Variants in C1QTNF7 observed in about 807,000 individuals in gnomAD.
C1QTNF7 encodes the protein complement C1q tumor necrosis factor-related protein 7.
C1QTNF7 carries 15 observed loss-of-function variants against 19.6 expected under a neutral mutation model. The observed-to-expected ratio is 0.76, with a 90% CI of 0.51 to 1.18. The LOEUF is 1.18. C1QTNF7 is among the 50% of genes most tolerant of loss of function. C1QTNF7 has a pLI of 0.00. For synonymous variants in C1QTNF7, 142 were observed against 137.5 expected (o/e 1.03, Z -0.23); for missense variants, 324 against 359.7 (o/e 0.90, Z 0.80).
intron 1 of C1QTNF7, among the ~76,000 whole-genome samples, chr4:15,347,864 A>T (rs1027904483): frequency 1.3e-5 from 2 of 152,178 alleles, no homozygotes; most frequent in African/African-American, 4.8e-5. Flanking sequence ...CATTGAGATC[A>T]TTTCTTAAAC....
At chr4:15,374,744 A>G (rs1223732106) in intron 1 of C1QTNF7, 1 of 985,268 alleles carries the variant, frequency 1.0e-6, no homozygotes, top group Non-Finnish European at 1.2e-6. Context: ...CAAAGACTCC[A>G]GCTGTTGGAA....
At chr4:15,343,851 G>T (rs777469665) in intron 1 of C1QTNF7, among the ~76,000 whole-genome samples, 78 of 152,166 alleles carry the variant, frequency 5.1e-4, no homozygotes, top group Non-Finnish European at 8.8e-4. Flanking sequence ...AGGTCACAAG[G>T]TGGGTGTAGA....
intron 1 of C1QTNF7, among the ~76,000 whole-genome samples, chr4:15,350,221 A>G (rs999441057): frequency 3.7e-5 from 4 of 107,456 alleles, no homozygotes; most frequent in Non-Finnish European, 5.6e-5. Context: ...AAGGGAGGGA[A>G]GGAAGGAGGA....
chr4:15,340,631 G>C (rs774913221), intron 1 of C1QTNF7, among the ~76,000 whole-genome samples: 1 of 152,106 alleles, frequency 6.6e-6, no homozygotes, highest in African/African-American at 2.4e-5. Flanking sequence ...TCCCAAGGAA[G>C]ATTTTAATAT....
chr4:15,389,414 AATG>A (rs1350091901), intron 1 of C1QTNF7, among the ~76,000 whole-genome samples: 1 of 151,884 alleles, frequency 6.6e-6, no homozygotes, highest in African/African-American at 2.4e-5. Flanking sequence ...GAGGTAGGAA[AATG>A]AGGAGTCTTT....
At position 15,356,247 on chromosome 4, in the gene C1QTNF7, C is replaced by A. The variant is rs1717142828; in HGVS notation, c.13+16040C>A. On this transcript the variant is annotated intron_variant, in intron 1 of 2. Transcript: ENST00000295297. ...GTATTTCTCCGAATGCTATCCCTCCCCTAGCCCCCAACCCCCTGACGGGCC... is the reference window on the plus strand; with the variant it reads ...GTATTTCTCCGAATGCTATCCCTCCACTAGCCCCCAACCCCCTGACGGGCC... Among the ~76,000 whole-genome samples the A allele has an allele frequency of 2.0e-5, 3 of 152,104 alleles. No individual in the cohort carries two copies. In the South Asian group the frequency reaches 6.2e-4, roughly 32 times the overall value.
chr4:15,340,069 A>T (rs1716485906), exon 1 of C1QTNF7: 1 of 1,119,310 alleles, frequency 8.9e-7, no homozygotes, highest in Admixed American at 2.0e-5. Flanking sequence ...TATTTTTTGC[A>T]TTGTTTTGGA....
intron 2 of C1QTNF7, among the ~76,000 whole-genome samples, chr4:15,440,931 A>C (rs1712734151): frequency 6.6e-6 from 1 of 152,106 alleles, no homozygotes; most frequent in South Asian, 2.1e-4. Flanking sequence ...ACCTGAGGTC[A>C]GGAGTTCGAG....
intron 1 of C1QTNF7, among the ~76,000 whole-genome samples, chr4:15,415,474 G>GCTTAT (rs1560362416): frequency 1.3e-5 from 2 of 152,030 alleles, no homozygotes; most frequent in African/African-American, 4.8e-5. Context: ...TAAGACCAAA[G>GCTTAT]GAATATGCTT....
chr4:15,418,669 T>C (rs1460789252), intron 1 of C1QTNF7, among the ~76,000 whole-genome samples: 1 of 152,198 alleles, frequency 6.6e-6, no homozygotes, highest in Non-Finnish European at 1.5e-5. Context: ...TCTCTTTAGT[T>C]ATATAGGTAT....
chr4:15,355,212 A>G (rs1717092639), intron 1 of C1QTNF7, among the ~76,000 whole-genome samples: 1 of 152,100 alleles, frequency 6.6e-6, no homozygotes. Flanking sequence ...ACCGTAAATC[A>G]ATGCTGGCAG....
chr4:15,370,241 C>A (rs7666730), intron 1 of C1QTNF7, among the ~76,000 whole-genome samples: 12,700 of 151,688 alleles, frequency 0.084, 1,512 homozygotes, highest in African/African-American at 0.27. Context: ...TTCATGGGAC[C>A]AACAACTGGC....
intron 1 of C1QTNF7, among the ~76,000 whole-genome samples, chr4:15,354,648 T>C (rs1240011976): frequency 6.6e-6 from 1 of 152,090 alleles, no homozygotes; most frequent in Non-Finnish European, 1.5e-5. Flanking sequence ...TGGACTTTGA[T>C]GTGGAAATGT....
chr4:15,430,645 T>TA (rs1712260809), intron 1 of C1QTNF7, among the ~76,000 whole-genome samples: 1 of 152,234 alleles, frequency 6.6e-6, no homozygotes, highest in South Asian at 2.1e-4. Flanking sequence ...ATAAAGCTGT[T>TA]AAAAATTATT....
rs1712818902 is a variant in C1QTNF7, at chr4:15,442,555, G to A, written c.626G>A (p.Gly209Glu). Residue 209 changes from glycine to glutamate, a missense_variant, in exon 3 of 3, where the codon GGA (glycine) becomes GAA (glutamate). By Grantham distance (98) the Gly-to-Glu change is moderately conservative. Coordinates refer to ENST00000444304, the MANE Select transcript of C1QTNF7 (RefSeq NM_031911.5). ...TTGGCTAATAAGCATCTGGCAATCGGACTGGTACACAATGGGCAATACCGG... is the reference window on the plus strand; with the variant it reads ...TTGGCTAATAAGCATCTGGCAATCGAACTGGTACACAATGGGCAATACCGG... ...ITLANKHLAI[G>E]LVHNGQYRIK... is the part of the protein sequence containing the mutation. The A allele has an allele frequency of 1.2e-6, 2 of 1,614,124 alleles. No individual in the cohort carries two copies. Among genetic ancestry groups the A allele is most frequent in the East Asian group, 2.2e-5 (1 of 44,878 alleles).
chr4:15,407,241 C>CT (rs1240285743), intron 1 of C1QTNF7, among the ~76,000 whole-genome samples: 1 of 152,178 alleles, frequency 6.6e-6, no homozygotes, highest in African/African-American at 2.4e-5. Flanking sequence ...CAATAGCACC[C>CT]TATGGACCTA....
chr4:15,389,833 T>C (rs1718489059), intron 1 of C1QTNF7, among the ~76,000 whole-genome samples: 1 of 152,104 alleles, frequency 6.6e-6, no homozygotes, highest in Non-Finnish European at 1.5e-5. Flanking sequence ...AACACTGGAT[T>C]ATAAAATGTG....
chr4:15,414,764 C>T (rs1577268258), intron 1 of C1QTNF7, among the ~76,000 whole-genome samples: 1 of 152,176 alleles, frequency 6.6e-6, no homozygotes, highest in African/African-American at 2.4e-5. Context: ...GCATCAGTCA[C>T]TCTGATTCTA....
In C1QTNF7 at chr4:15,442,718, G is replaced by A; in HGVS notation, c.789G>A (p.Trp263Ter). 6.2e-7 allele frequency: 1 copy of A among 1,614,114 alleles called. No homozygotes were observed. The highest frequency in any genetic ancestry group is 8.5e-7 in the Non-Finnish European group (1 of 1,180,028). ...ATGGCCTCTTCTCAGACCCAGGTTGGGCAGACAGCTTATTCTCCGGGTTTC... is the reference window on the plus strand; with the variant it reads ...ATGGCCTCTTCTCAGACCCAGGTTGAGCAGACAGCTTATTCTCCGGGTTTC... The part of the protein sequence containing the change: ...DQNGLFSDPG[W>*]ADSLFSGFLL... The change falls in exon 3 of 3, where the codon TGG becomes TGA. Residue 263 changes from tryptophan to a stop codon, truncating the protein, a stop_gained. Transcript: ENST00000444304. LOFTEE classifies it high-confidence loss of function.
Sources: allele counts gnomAD v4.1 joint callset (sites outside exome capture counted in the v4.1 genomes callset), GRCh38; gene constraint gnomAD v4.1.1; transcripts MANE v1.5; gene names NCBI Gene and HGNC (gene_info 2026-07-23, HGNC 2026-07-21).